The following CSMD1 variants were observed in gnomAD, a reference collection of about 807,000 sequenced individuals.
The protein encoded by CSMD1 is CUB and sushi domain-containing protein 1.
A neutral mutation model predicts 417.5 loss-of-function variants in CSMD1; 213 were observed. The observed-to-expected ratio is 0.51, with a 90% confidence interval of 0.46 to 0.57. The LOEUF is 0.57. CSMD1 is among the 20% of genes least tolerant of loss of function. The probability of loss-of-function intolerance (pLI) is 0.00; values close to 1 mark genes in which losing one functional copy is unlikely to be tolerated. For synonymous variants in CSMD1, 2,862 were observed against 1,736.8 expected (o/e 1.65, Z -16.11); for missense variants, 6,923 against 4,529.7 (o/e 1.53, Z -15.17).
In CSMD1 at chr8:4,000,351, G is replaced by C. The variant is rs150196241; in HGVS notation, c.611-2241C>G. Reference sequence around the variant, plus strand: ...ATTACATTCTTGGGAAGAGCTACTGGGAATGTGATCATACATATACAGTTC... The same window carrying C: ...ATTACATTCTTGGGAAGAGCTACTGCGAATGTGATCATACATATACAGTTC... On this transcript the variant is annotated intron_variant, in intron 4 of 69. Transcript: ENST00000635120. Among the ~76,000 whole-genome samples the C allele has an allele frequency of 2.4e-3, 361 of 152,336 alleles. 1 individual carries two copies. The highest frequency in any genetic ancestry group is 8.3e-3 in the African/African-American group (345 of 41,586).
At chr8:3,458,480 T>G (rs546848353) in intron 12 of CSMD1, among the ~76,000 whole-genome samples, 1 of 152,314 alleles carries the variant, frequency 6.6e-6, no homozygotes, top group East Asian at 1.9e-4. Context: ...ATACAAACTC[T>G]CCAACCCTGT....
At chr8:4,720,250 T>C (rs1033873175) in intron 1 of CSMD1, among the ~76,000 whole-genome samples, 2 of 151,900 alleles carry the variant, frequency 1.3e-5, no homozygotes, top group African/African-American at 4.8e-5. Flanking sequence ...GAATGTATCA[T>C]TTTTGGAAAA....
chr8:4,717,178 G>C (rs1015181053), intron 1 of CSMD1, among the ~76,000 whole-genome samples: 1 of 151,556 alleles, frequency 6.6e-6, no homozygotes, highest in Non-Finnish European at 1.5e-5. Context: ...TTGGGAGTCA[G>C]GAGAAAAATT....
At chr8:3,475,691 T>C (rs191787728) in intron 11 of CSMD1, among the ~76,000 whole-genome samples, 10 of 152,332 alleles carry the variant, frequency 6.6e-5, no homozygotes, top group African/African-American at 2.2e-4. Context: ...ATATGTCTGG[T>C]TGCAGTCAGT....
At chr8:4,587,283 GA>G (rs756757806) in intron 2 of CSMD1, among the ~76,000 whole-genome samples, 2 of 152,094 alleles carry the variant, frequency 1.3e-5, no homozygotes, top group Non-Finnish European at 2.9e-5. Flanking sequence ...ATAGTTTGAA[GA>G]GCTTAATGTT....
At chr8:4,235,899 G>T (rs1802019094) in intron 3 of CSMD1, among the ~76,000 whole-genome samples, 1 of 152,162 alleles carries the variant, frequency 6.6e-6, no homozygotes, top group Non-Finnish European at 1.5e-5. Context: ...ACATCCCGTA[G>T]CTGAGCCGCA....
chr8:3,496,951 A>G (rs1796390513), intron 10 of CSMD1, among the ~76,000 whole-genome samples: 1 of 152,206 alleles, frequency 6.6e-6, no homozygotes, highest in South Asian at 2.1e-4. Flanking sequence ...TACAATTTTG[A>G]AAGTTTCTCT....
chr8:3,226,841 C>T (rs565876668), intron 27 of CSMD1, among the ~76,000 whole-genome samples: 2 of 151,008 alleles, frequency 1.3e-5, no homozygotes, highest in South Asian at 2.1e-4. Context: ...GAGAGAGAGC[C>T]AGTAATGAGT....
intron 7 of CSMD1, among the ~76,000 whole-genome samples, chr8:3,675,246 T>C (rs1799312960): frequency 6.6e-6 from 1 of 152,134 alleles, no homozygotes; most frequent in South Asian, 2.1e-4. Flanking sequence ...TGGTCTTCAT[T>C]GACCTGGCTG....
At chr8:4,463,725 T>A (rs1276715586) in intron 2 of CSMD1, among the ~76,000 whole-genome samples, 5 of 152,038 alleles carry the variant, frequency 3.3e-5, no homozygotes, top group Admixed American at 6.6e-5. Flanking sequence ...AATAAATTAG[T>A]GTTTCCTTTG....
intron 6 of CSMD1, among the ~76,000 whole-genome samples, chr8:3,732,229 C>T (rs6996403): frequency 0.091 from 13,793 of 152,172 alleles, 673 homozygotes; most frequent in African/African-American, 0.12. Flanking sequence ...GCAGTTTCGC[C>T]CGAGGCCACC....
At chr8:3,787,381 G>T (rs1322481869) in intron 5 of CSMD1, among the ~76,000 whole-genome samples, 1 of 152,100 alleles carries the variant, frequency 6.6e-6, no homozygotes. Flanking sequence ...AATTAAGTAA[G>T]CAGATAACCA....
Position 3,575,017 on chromosome 8 carries a change from G to A in CSMD1, c.1272C>T (p.Ser424=). The A allele has an allele frequency of 6.2e-7, 1 of 1,613,500 alleles. No individual in the cohort carries two copies. Among genetic ancestry groups the A allele is most frequent in the Admixed American group, 1.7e-5 (1 of 60,010 alleles). ...CTTCATACTGAACCGGATAATTAGG[G>A]GAGGTAATGACGCCGCTGGGCCCAC... ...NLRGPSGVIT[S]PNYPVQYEDN... is the part of the protein sequence containing the mutation. The change falls in exon 10 of 70, where the codon TCC becomes TCT. Residue 424 remains serine (S), a synonymous_variant. Coordinates refer to ENST00000635120, the MANE Select transcript of CSMD1 (RefSeq NM_033225.6).
intron 21 of CSMD1, among the ~76,000 whole-genome samples, chr8:3,352,291 C>T (rs1383065057): frequency 2.0e-5 from 3 of 152,084 alleles, no homozygotes; most frequent in Non-Finnish European, 4.4e-5. Context: ...ACAGCCTGAA[C>T]CAGGTTGCAG....
At chr8:4,752,852 G>A (rs1168025236) in intron 1 of CSMD1, among the ~76,000 whole-genome samples, 1 of 152,114 alleles carries the variant, frequency 6.6e-6, no homozygotes, top group Non-Finnish European at 1.5e-5. Context: ...ACAAGTTGAG[G>A]AACTAGGCAG....
chr8:3,284,386 G>A (rs575257645), intron 25 of CSMD1, 40 bp from the exon 26 acceptor site: 59 of 1,487,660 alleles, frequency 4.0e-5, no homozygotes, highest in East Asian at 2.9e-4. Context: ...GCCGTGCATC[G>A]AGCATGTCCT....
At chr8:4,084,555 G>A (rs144554039) in intron 3 of CSMD1, among the ~76,000 whole-genome samples, 1 of 151,990 alleles carries the variant, frequency 6.6e-6, no homozygotes, top group Non-Finnish European at 1.5e-5. Context: ...CAATTGGTAG[G>A]ATGTTAGGAA....
intron 3 of CSMD1, among the ~76,000 whole-genome samples, chr8:4,166,618 G>A (rs1488937953): frequency 2.0e-5 from 3 of 152,268 alleles, no homozygotes; most frequent in African/African-American, 4.8e-5. Context: ...ACTGTAGGAT[G>A]GGAGCAGGGG....
At chr8:3,159,720 G>C (rs907306935) in intron 38 of CSMD1, among the ~76,000 whole-genome samples, 10 of 152,222 alleles carry the variant, frequency 6.6e-5, no homozygotes, top group African/African-American at 2.4e-4. Context: ...ACACAGCTTA[G>C]TTTGCATTTG....
Sources: allele counts gnomAD v4.1 joint callset (sites outside exome capture counted in the v4.1 genomes callset), GRCh38; gene constraint gnomAD v4.1.1; transcripts MANE v1.5; gene names NCBI Gene and HGNC (gene_info 2026-07-23, HGNC 2026-07-21).